The following TMEFF2 variants were observed in gnomAD, a reference collection of about 807,000 sequenced individuals.
The protein encoded by TMEFF2 is transmembrane protein with EGF like and two follistatin like domains 2, also known as tomoregulin-2.
Under a neutral mutation model 53.8 loss-of-function variants are expected in TMEFF2, and 28 were observed. The ratio of observed to expected loss-of-function variants is 0.52; its 90% CI spans 0.39 to 0.71. TMEFF2 has a LOEUF of 0.71. Among genes scored for constraint, TMEFF2 ranks in the 30% least tolerant of loss-of-function variants. The pLI is 0.00. For missense variants in TMEFF2, 353 were observed against 455.2 expected, an observed-to-expected ratio of 0.78 and a Z score of 2.04; for synonymous variants, 162 against 166.3, an observed-to-expected ratio of 0.97 and a Z score of 0.20.
chr2:192,013,601 C>G (rs1391179529), intron 5 of TMEFF2, among the ~76,000 whole-genome samples: 2 of 152,120 alleles, frequency 1.3e-5, no homozygotes, highest in African/African-American at 4.8e-5. Context: ...AGGCGCCCAC[C>G]ACCATGCCCA....
At chr2:192,129,543 C>T (rs987488273) in intron 4 of TMEFF2, among the ~76,000 whole-genome samples, 1 of 152,122 alleles carries the variant, frequency 6.6e-6, no homozygotes, top group African/African-American at 2.4e-5. Context: ...TTGAGGACCC[C>T]ACATGCATTC....
chr2:192,125,638 T>G (rs1354946013), intron 4 of TMEFF2, among the ~76,000 whole-genome samples: 1 of 152,186 alleles, frequency 6.6e-6, no homozygotes, highest in Non-Finnish European at 1.5e-5. Context: ...CCATCAATGA[T>G]AGACTGGATA....
chr2:192,048,947 C>G (rs73982342), intron 5 of TMEFF2, among the ~76,000 whole-genome samples: 2,930 of 152,182 alleles, frequency 0.019, 91 homozygotes, highest in African/African-American at 0.066. Context: ...CTGTGAAAAA[C>G]AAACAAATGA....
intron 5 of TMEFF2, among the ~76,000 whole-genome samples, chr2:192,031,161 T>TAAC (rs1687125198): frequency 6.6e-6 from 1 of 152,234 alleles, no homozygotes; most frequent in Non-Finnish European, 1.5e-5. Context: ...CCTACTTCCT[T>TAAC]AACACTCTTG....
At chr2:192,098,079 A>C (rs1216443930) in intron 4 of TMEFF2, among the ~76,000 whole-genome samples, 1 of 152,210 alleles carries the variant, frequency 6.6e-6, no homozygotes, top group African/African-American at 2.4e-5. Flanking sequence ...TCATCACTTG[A>C]CAATGCTTTT....
At chr2:192,109,483 T>C (rs967071848) in intron 4 of TMEFF2, among the ~76,000 whole-genome samples, 4 of 152,054 alleles carry the variant, frequency 2.6e-5, no homozygotes, top group African/African-American at 9.7e-5. Flanking sequence ...CCAAGAGATG[T>C]TAAATTTTTA....
chr2:192,125,824 G>A (rs946504303), intron 4 of TMEFF2, among the ~76,000 whole-genome samples: 1 of 152,184 alleles, frequency 6.6e-6, no homozygotes, highest in Non-Finnish European at 1.5e-5. Flanking sequence ...GCTGAATGAT[G>A]AGAAGACGTG....
intron 4 of TMEFF2, among the ~76,000 whole-genome samples, chr2:192,078,018 CTT>C (rs1341573691): frequency 6.6e-6 from 1 of 152,016 alleles, no homozygotes; most frequent in African/African-American, 2.4e-5. Context: ...GTACTATAGT[CTT>C]TTTTTAAAAA....
chr2:191,951,952 AATCTTGAGCAGCAGAATACAC>A (rs1413921927), intron 9 of TMEFF2, among the ~76,000 whole-genome samples: 1 of 152,196 alleles, frequency 6.6e-6, no homozygotes, highest in Non-Finnish European at 1.5e-5. Context: ...CAGTTTAGAT[AATCTTGAGCAGCAGAATACAC>A]AAAATCCTTC....
At chr2:192,070,940 T>C (rs1688280660) in intron 4 of TMEFF2, among the ~76,000 whole-genome samples, 1 of 151,856 alleles carries the variant, frequency 6.6e-6, no homozygotes, top group Non-Finnish European at 1.5e-5. Context: ...CATTATTTAT[T>C]CTGACTAATG....
intron 5 of TMEFF2, among the ~76,000 whole-genome samples, chr2:192,010,062 T>A (rs1686588876): frequency 1.3e-5 from 2 of 152,226 alleles, no homozygotes; most frequent in South Asian, 4.1e-4. Flanking sequence ...ACCAAGATAA[T>A]GTTTCTTTGT....
Position 192,102,850 on chromosome 2 carries a change from C to T in TMEFF2, c.440-45075G>A, listed in dbSNP as rs116464561. Among the ~76,000 whole-genome samples the T allele has an allele frequency of 5.7e-3, 868 of 151,990 alleles. 8 individuals are homozygous for T. Among genetic ancestry groups the T allele is most frequent in the African/African-American group, 0.02 (809 of 41,474 alleles). ...CCTCCGAAAGTATTGGAATTACAGG[C>T]GTGAGCCACCACTCCTGGCCTCAAT... On this transcript the variant is annotated intron_variant, in intron 4 of 9. Transcript: ENST00000272771.
At position 192,105,365 on chromosome 2, in the gene TMEFF2, A is replaced by G. The variant is rs371111185; in HGVS notation, c.440-47590T>C. ...AGTAATGAGCCTGTATTTTAAGCAGATATTTTTGAAATATTATAGGTAAAA... is the reference window on the plus strand; with the variant it reads ...AGTAATGAGCCTGTATTTTAAGCAGGTATTTTTGAAATATTATAGGTAAAA... On this transcript the variant is annotated intron_variant, in intron 4 of 9. Transcript: ENST00000272771. Among the ~76,000 whole-genome samples the G allele has an allele frequency of 3.3e-5, 5 of 152,096 alleles. No individual in the cohort carries two copies. In the East Asian group the frequency reaches 9.6e-4, roughly 29 times the overall value.
In TMEFF2 at chr2:192,119,178, T is replaced by G. The variant is rs191816998; in HGVS notation, c.439+60490A>C. 1.2e-3 allele frequency among the ~76,000 whole-genome samples: 176 copies of G among 152,288 alleles called. 4 individuals are homozygous for G. Among genetic ancestry groups the G allele is most frequent in the Non-Finnish European group, 5.4e-4 (37 of 68,010 alleles). On this transcript the variant is annotated intron_variant, in intron 4 of 9. Coordinates refer to ENST00000272771, the MANE Select transcript of TMEFF2 (RefSeq NM_016192.4). ...TTATGTGACAAGATACCAAACTAAT[T>G]TTCACAAATTTGTTATTGATAAAAT...
chr2:192,176,584 T>C (rs1691050465), intron 4 of TMEFF2, among the ~76,000 whole-genome samples: 1 of 151,264 alleles, frequency 6.6e-6, no homozygotes, highest in Admixed American at 6.6e-5. Flanking sequence ...CAGTTAACTG[T>C]TTGAATTGTT....
intron 5 of TMEFF2, among the ~76,000 whole-genome samples, chr2:192,052,360 C>T (rs1472294564): frequency 3.9e-5 from 6 of 152,098 alleles, no homozygotes; most frequent in African/African-American, 7.2e-5. Flanking sequence ...AGTATCAACC[C>T]CCGGGCTCTG....
chr2:191,963,108 G>A (rs1692319172), intron 7 of TMEFF2, among the ~76,000 whole-genome samples: 1 of 152,118 alleles, frequency 6.6e-6, no homozygotes, highest in Non-Finnish European at 1.5e-5. Flanking sequence ...GTCCAGAGCT[G>A]GAGTTGCCTT....
chr2:192,007,672 T>A (rs1686531484), intron 5 of TMEFF2, among the ~76,000 whole-genome samples: 1 of 152,150 alleles, frequency 6.6e-6, no homozygotes, highest in African/African-American at 2.4e-5. Flanking sequence ...TGAGGAGGCC[T>A]GAAAGGTTTT....
At chr2:192,045,627 A>T (rs1050728265) in intron 5 of TMEFF2, among the ~76,000 whole-genome samples, 2 of 152,126 alleles carry the variant, frequency 1.3e-5, no homozygotes, top group African/African-American at 4.8e-5. Flanking sequence ...GTGGCAAAAA[A>T]GGGGGGTTAT....
Sources: gnomAD v4.1 joint callset for allele counts (sites outside exome capture counted in the v4.1 genomes callset) on GRCh38, gnomAD v4.1.1 for gene constraint, MANE v1.5 for transcripts, NCBI Gene and HGNC (gene_info 2026-07-23, HGNC 2026-07-21) for gene names.